Variants in MRPL39 observed in about 807,000 individuals in gnomAD.
MRPL39 encodes mitochondrial ribosomal protein L39.
MRPL39 carries 35 observed loss-of-function variants against 44.5 expected under a neutral mutation model. The observed-to-expected ratio is 0.79, with a 90% CI of 0.60 to 1.04. The LOEUF (loss-of-function observed/expected upper bound fraction) is 1.04. MRPL39 is among the 50% of genes least tolerant of loss of function. MRPL39 has a pLI of 0.00. For missense variants in MRPL39, 433 were observed against 413.5 expected (o/e 1.05, Z -0.41); for synonymous variants, 139 against 136.1 (o/e 1.02, Z -0.15).
intron 6 of MRPL39, among the ~76,000 whole-genome samples, chr21:25,594,901 G>A (rs982535661): frequency 6.6e-6 from 1 of 152,102 alleles, no homozygotes; most frequent in East Asian, 1.9e-4. Context: ...GTCTTAGTAC[G>A]ATACCACCAA....
intron 2 of MRPL39, among the ~76,000 whole-genome samples, chr21:25,604,580 A>C (rs2031611268): frequency 6.6e-6 from 1 of 152,198 alleles, no homozygotes; most frequent in Non-Finnish European, 1.5e-5. Flanking sequence ...TAAATACAGT[A>C]GTTACCATTT....
rs764890507 is a variant in MRPL39 at position 25,607,430 on chromosome 21, C to T, written c.46G>A (p.Val16Ile). 6.2e-7 allele frequency: 1 copy of T among 1,613,486 alleles called. No homozygotes were observed. Among genetic ancestry groups the T allele is most frequent in the East Asian group, 2.2e-5 (1 of 44,872 alleles). Residue 16 changes from valine to isoleucine, a missense_variant, in exon 1 of 10, where the codon GTC becomes ATC. Transcript: ENST00000352957. ...MGSRALRLWL[V>I]APGGGIKWRF... ...CATTTGATCCCGCCACCGGGTGCGA[C>T]CAGCCAGAGCCGCAGCGCCCGGGAA...
rs1313217971 is a variant in MRPL39 at position 25,588,869 on chromosome 21, A to G, written c.935T>C (p.Ile312Thr). The G allele has an allele frequency of 3.7e-6, 6 of 1,612,964 alleles. No homozygotes were observed. Among genetic ancestry groups the G allele is most frequent in the African/African-American group, 1.3e-5 (1 of 74,908 alleles). The change falls in exon 9 of 10, where the codon ATA (isoleucine) becomes ACA (threonine). Residue 312 changes from isoleucine to threonine, a missense_variant. By Grantham distance (89) the Ile-to-Thr change is moderately conservative (BLOSUM62 -1). Transcript: ENST00000352957. ...AGATCTTTCCAATAGCTTATCCCAT[A>G]TTGTAAAATGTGCCTTGAAAAGAAA... ...LPVHLRAHFT[I>T]WDKLLERSRK...
At chr21:25,600,394 T>TAAA (rs2031485396) in intron 4 of MRPL39, among the ~76,000 whole-genome samples, 1 of 5,408 alleles carries the variant, frequency 1.8e-4, no homozygotes, top group Non-Finnish European at 7.7e-4. Context: ...AGACTCCGTC[T>TAAA]TAAAAAAAAA....
At chr21:25,602,852 G>A (rs2031560464) in intron 3 of MRPL39, among the ~76,000 whole-genome samples, 1 of 152,228 alleles carries the variant, frequency 6.6e-6, no homozygotes, top group Non-Finnish European at 1.5e-5. Flanking sequence ...TAAACCATTA[G>A]TGACTGATAT....
At position 25,607,481 on chromosome 21, in the gene MRPL39, C is replaced by A. The variant is rs1024563624; in HGVS notation, c.-6G>T. The A allele has an allele frequency of 5.0e-6, 8 of 1,610,428 alleles. 1 individual carries two copies. In the Middle Eastern group the frequency reaches 1.2e-3, roughly 233 times the overall value. ...CCCATGGCCAGCGCCTCCATAGCAG[C>A]GGTGAGAACCGTCGCGCGCAAGTCC... On this transcript the variant is annotated 5_prime_UTR_variant, in exon 1 of 10. Transcript: ENST00000352957.
At chr21:25,591,079 C>CAAAAAAA (rs55796940) in intron 8 of MRPL39, among the ~76,000 whole-genome samples, 3 of 129,152 alleles carry the variant, frequency 2.3e-5, no homozygotes, top group African/African-American at 8.9e-5. Context: ...CTATAGCCCA[C>CAAAAAAA]AAAAAAAAAA....
chr21:25,607,428 G>C lies in MRPL39; in HGVS notation c.48C>G (p.Val16=), dbSNP rs374390952. ...MGSRALRLWL[V]APGGGIKWRF... The stretch of plus-strand genomic sequence containing the variant: ...TCCATTTGATCCCGCCACCGGGTGC[G>C]ACCAGCCAGAGCCGCAGCGCCCGGG... Residue 16 remains valine (V), a synonymous_variant, in exon 1 of 10, where the codon GTC becomes GTG. Coordinates refer to ENST00000352957, the MANE Select transcript of MRPL39 (RefSeq NM_017446.4). 23 of 1,613,264 alleles carry C rather than the reference G, an allele frequency of 1.4e-5. No individual in the cohort carries two copies. Among genetic ancestry groups the C allele is most frequent in the Non-Finnish European group, 1.9e-5 (22 of 1,179,964 alleles).
At chr21:25,607,560 A>G (rs537162160), upstream of MRPL39, 14 of 1,424,990 alleles carry the variant, frequency 9.8e-6, no homozygotes, top group Middle Eastern at 1.8e-4. Flanking sequence ...TCCGCAGGAC[A>G]GGTCTGTTCC....
At position 25,601,407 on chromosome 21, in the gene MRPL39, C is replaced by T. The variant is rs200258781; in HGVS notation, c.481G>A (p.Glu161Lys). The change falls in exon 4 of 10, where the codon GAA (glutamate) becomes AAA (lysine). Residue 161 changes from glutamate (E) to lysine (K), a missense_variant. Glu to Lys is a moderately conservative substitution (Grantham distance 56). Coordinates refer to ENST00000352957, the MANE Select transcript of MRPL39 (RefSeq NM_017446.4). ...GCVIERAFKD[E>K]YMVNLVRAPE... is the part of the protein sequence containing the mutation. The stretch of plus-strand genomic sequence containing the variant: ...GCTCTGACCAAATTGACCATATATT[C>T]ATCTTTGAATGCCCTCTCTATCACA... 6 of 1,610,774 alleles carry T rather than the reference C, an allele frequency of 3.7e-6. No homozygotes were observed. Among genetic ancestry groups the T allele is most frequent in the Admixed American group, 1.7e-5 (1 of 59,838 alleles).
In MRPL39 at chr21:25,607,452, G is replaced by C. The variant is rs138935322; in HGVS notation, c.24C>G (p.Ser8=). Residue 8 remains serine, a synonymous_variant, in exon 1 of 10, where the codon TCC becomes TCG. Transcript: ENST00000352957. The part of the protein sequence containing the change: MEALAMG[S]RALRLWLVAP... The stretch of plus-strand genomic sequence containing the variant: ...CGACCAGCCAGAGCCGCAGCGCCCG[G>C]GAACCCATGGCCAGCGCCTCCATAG... 1 of 1,612,822 alleles carries C rather than the reference G, an allele frequency of 6.2e-7. No homozygotes were observed. Among genetic ancestry groups the C allele is most frequent in the Non-Finnish European group, 8.5e-7 (1 of 1,179,944 alleles).
intron 2 of MRPL39, 71 bp downstream of exon 2, chr21:25,606,378 G>A (rs963040458): frequency 2.6e-5 from 35 of 1,324,520 alleles, no homozygotes; most frequent in Non-Finnish European, 3.6e-5. Context: ...ACAGCATCCT[G>A]TCTCCTGCAC....
rs1183476140 is a variant in MRPL39 at position 25,585,766 on chromosome 21, T to G, written c.970-12A>C. The G allele has an allele frequency of 6.3e-7, 1 of 1,577,078 alleles. No homozygotes were observed. The stretch of plus-strand genomic sequence containing the variant: ...TGATCTTCAGTTACCTGTAAAAACA[T>G]GAATAGCTTTACTTTCCTAATAAAC... On this transcript the variant is annotated splice_polypyrimidine_tract_variant and intron_variant, in intron 9 of 9. Transcript: ENST00000352957.
chr21:25,596,079 C>T (rs902157616), intron 6 of MRPL39, among the ~76,000 whole-genome samples: 9 of 152,080 alleles, frequency 5.9e-5, no homozygotes, highest in Non-Finnish European at 1.2e-4. Context: ...TTTGGGAGAC[C>T]GTTGAGTGCG....
intron 8 of MRPL39, among the ~76,000 whole-genome samples, chr21:25,591,646 G>A (rs972257516): frequency 1.1e-5 from 1 of 87,134 alleles, no homozygotes; most frequent in South Asian, 3.3e-4. Context: ...ATATCAGAAT[G>A]ACTAAAACAA....
At position 25,607,457 on chromosome 21, in the gene MRPL39, C is replaced by G; in HGVS notation, c.19G>C (p.Gly7Arg). The G allele has an allele frequency of 1.2e-6, 2 of 1,612,646 alleles. No homozygotes were observed. The highest frequency in any genetic ancestry group is 1.7e-6 in the Non-Finnish European group (2 of 1,179,922). MEALAM[G>R]SRALRLWLVA... is the part of the protein sequence containing the mutation. ...AGCCAGAGCCGCAGCGCCCGGGAACCCATGGCCAGCGCCTCCATAGCAGCG... is the reference window on the plus strand; with the variant it reads ...AGCCAGAGCCGCAGCGCCCGGGAACGCATGGCCAGCGCCTCCATAGCAGCG... The change falls in exon 1 of 10, where the codon GGT becomes CGT. Residue 7 changes from glycine (G) to arginine (R), a missense_variant. Physicochemically the swap from Gly to Arg is moderately radical, Grantham distance 125 (BLOSUM62 -2). Coordinates refer to ENST00000352957, the MANE Select transcript of MRPL39 (RefSeq NM_017446.4).
upstream of MRPL39, chr21:25,607,609 G>A: frequency 4.6e-6 from 4 of 860,266 alleles, no homozygotes; most frequent in South Asian, 1.8e-5. Context: ...ACCGGGGGGC[G>A]TCAGGCCTCG....
chr21:25,592,771 A>C (rs772532102), intron 8 of MRPL39, 41 bp downstream of exon 8: 2 of 1,474,734 alleles, frequency 1.4e-6, no homozygotes, highest in Non-Finnish European at 1.8e-6. Context: ...AATTATATCT[A>C]TACCCAAATT....
At chr21:25,588,965 A>G (rs1336772877) in intron 8 of MRPL39, 83 bp from the exon 9 acceptor site, 8 of 1,179,362 alleles carry the variant, frequency 6.8e-6, no homozygotes, top group Non-Finnish European at 9.8e-6. Context: ...TAGCTTTTAG[A>G]ACAAAATAAA....
Sources: allele counts gnomAD v4.1 joint callset (sites outside exome capture counted in the v4.1 genomes callset), GRCh38; gene constraint gnomAD v4.1.1; transcripts MANE v1.5; gene names NCBI Gene and HGNC (gene_info 2026-07-23, HGNC 2026-07-21).